The following SEL1L3 variants were observed in gnomAD, a reference collection of about 807,000 sequenced individuals.
SEL1L3 encodes the protein protein sel-1 homolog 3.
SEL1L3 carries 76 observed loss-of-function variants against 142.8 expected under a neutral mutation model. The ratio of observed to expected loss-of-function variants is 0.53; its 90% confidence interval spans 0.44 to 0.64. SEL1L3 has a LOEUF of 0.64. Ranked by LOEUF, SEL1L3 falls within the 30% of genes least tolerant of loss-of-function variation. The pLI is 0.00. For synonymous variants in SEL1L3, 504 were observed against 519.6 expected (o/e 0.97, Z 0.41); for missense variants, 1,262 against 1,381.7 (o/e 0.91, Z 1.37).
At chr4:25,817,879 C>T (rs1714497142) in intron 9 of SEL1L3, among the ~76,000 whole-genome samples, 1 of 152,144 alleles carries the variant, frequency 6.6e-6, no homozygotes, top group African/African-American at 2.4e-5. Flanking sequence ...TGCGGCCTAT[C>T]CATTTGCCGC....
intron 17 of SEL1L3, chr4:25,773,442 T>C (rs1399891209): frequency 6.6e-6 from 1 of 152,198 alleles, no homozygotes; most frequent in African/African-American, 2.4e-5. Context: ...ATGTATCATA[T>C]ATACTTCATA....
chr4:25,809,170 A>G (rs375084538), intron 9 of SEL1L3, among the ~76,000 whole-genome samples: 6 of 151,566 alleles, frequency 4.0e-5, no homozygotes, highest in East Asian at 3.9e-4. Context: ...TTGAGACAGA[A>G]TCTTGCTCTG....
chr4:25,823,103 C>T (rs760054871), intron 6 of SEL1L3, among the ~76,000 whole-genome samples: 1 of 152,154 alleles, frequency 6.6e-6, no homozygotes, highest in Non-Finnish European at 1.5e-5. Flanking sequence ...ATTATCTCCC[C>T]ATGGGGTGGT....
the SEL1L3 span, among the ~76,000 whole-genome samples, chr4:25,736,795 T>C: frequency 6.6e-6 from 1 of 152,116 alleles, no homozygotes; most frequent in Non-Finnish European, 1.5e-5. Context: ...TTCTATCAAG[T>C]TTTGCTTTAT....
intron 9 of SEL1L3, among the ~76,000 whole-genome samples, chr4:25,809,205 A>G (rs1198726970): frequency 6.6e-6 from 1 of 151,402 alleles, no homozygotes; most frequent in Non-Finnish European, 1.5e-5. Context: ...GTGCAGTGGC[A>G]TGATCTTGGC....
At chr4:25,721,120 C>T in the SEL1L3 span, 2 of 152,060 alleles carry the variant, frequency 1.3e-5, no homozygotes, top group East Asian at 1.9e-4. Context: ...TTTTGAATCA[C>T]TTTGACTCTC....
At chr4:25,781,399 T>G (rs1412113315) in intron 15 of SEL1L3, among the ~76,000 whole-genome samples, 1 of 151,600 alleles carries the variant, frequency 6.6e-6, no homozygotes, top group African/African-American at 2.4e-5. Context: ...GAACTTTGGG[T>G]GGTGGAGGTG....
downstream of SEL1L3, among the ~76,000 whole-genome samples, chr4:25,746,543 C>T (rs879632388): frequency 0.61 from 73,335 of 119,682 alleles, 22,445 homozygotes; most frequent in East Asian, 0.7. Flanking sequence ...TATATATATT[C>T]AAATGTATAT....
Position 25,784,216 on chromosome 4 carries a change from T to G in SEL1L3, c.2280+12A>C, listed in dbSNP as rs1280383766. ...GTGGAACTGTTTCCCTCTGACAATA[T>G]GCATGTGTTACCTTGGAAGCTGCTT... On this transcript the variant is annotated intron_variant, in intron 14 of 23. Transcript: ENST00000399878. 6.2e-7 allele frequency: 1 copy of G among 1,607,170 alleles called. No homozygotes were observed. The highest frequency in any genetic ancestry group is 1.7e-5 in the Admixed American group (1 of 60,012).
chr4:25,770,739 CAAAAAAA>C (rs57317400), intron 17 of SEL1L3, among the ~76,000 whole-genome samples: 1 of 97,386 alleles, frequency 1.0e-5, no homozygotes, highest in African/African-American at 3.7e-5. Flanking sequence ...GACTCTGTCT[CAAAAAAA>C]AAAAAAAAAA....
intron 9 of SEL1L3, among the ~76,000 whole-genome samples, chr4:25,809,181 T>C (rs1713845773): frequency 6.6e-6 from 1 of 151,776 alleles, no homozygotes; most frequent in Admixed American, 6.6e-5. Context: ...TCTTGCTCTG[T>C]CGCCCAGACT....
At chr4:25,781,289 G>A (rs1290334227) in intron 15 of SEL1L3, among the ~76,000 whole-genome samples, 1 of 152,144 alleles carries the variant, frequency 6.6e-6, no homozygotes, top group Non-Finnish European at 1.5e-5. Flanking sequence ...TATGTCCTCA[G>A]TGTTCAGAAG....
intron 1 of SEL1L3, 141 bp downstream of exon 1, chr4:25,862,534 A>C: frequency 2.5e-6 from 1 of 401,610 alleles, no homozygotes; most frequent in South Asian, 1.2e-4. Context: ...GGTGCCGGGA[A>C]CGCCCGGGGC....
At position 25,837,131 on chromosome 4, in the gene SEL1L3, C is replaced by T. The variant is rs575952173; in HGVS notation, c.734-1808G>A. On this transcript the variant is annotated intron_variant, in intron 2 of 23. Transcript: ENST00000399878. Reference sequence around the variant, plus strand: ...GCCCACTGGACTTGCTGGTCTATGACGGGGGTGGTGAGAGGGGTGAGAAAT... The same window carrying T: ...GCCCACTGGACTTGCTGGTCTATGATGGGGGTGGTGAGAGGGGTGAGAAAT... 1.1e-4 allele frequency among the ~76,000 whole-genome samples: 16 copies of T among 151,510 alleles called. No individual in the cohort carries two copies. In the East Asian group the frequency reaches 2.1e-3, roughly 20 times the overall value.
At chr4:25,839,913 G>A (rs551663973) in intron 2 of SEL1L3, among the ~76,000 whole-genome samples, 3 of 152,090 alleles carry the variant, frequency 2.0e-5, no homozygotes, top group African/African-American at 4.8e-5. Context: ...TGCCCAATCC[G>A]CTTCAAAGAC....
At chr4:25,737,399 G>C in the SEL1L3 span, among the ~76,000 whole-genome samples, 1 of 152,164 alleles carries the variant, frequency 6.6e-6, no homozygotes, top group African/African-American at 2.4e-5. Flanking sequence ...TTTGTTTCTA[G>C]GTGGCTGCCA....
intron 11 of SEL1L3, among the ~76,000 whole-genome samples, chr4:25,791,091 G>A (rs1267674280): frequency 6.6e-6 from 1 of 152,158 alleles, no homozygotes; most frequent in Non-Finnish European, 1.5e-5. Flanking sequence ...AGTCCACTTC[G>A]TGCAACTGAT....
chr4:25,737,722 T>C, the SEL1L3 span, among the ~76,000 whole-genome samples: 2 of 152,202 alleles, frequency 1.3e-5, no homozygotes, highest in Non-Finnish European at 2.9e-5. Flanking sequence ...TGATATAAAA[T>C]GACATAGTAT....
At chr4:25,827,334 CAAT>C (rs1298059133) in intron 6 of SEL1L3, among the ~76,000 whole-genome samples, 1 of 152,054 alleles carries the variant, frequency 6.6e-6, no homozygotes, top group African/African-American at 2.4e-5. Context: ...GCCCCTAACC[CAAT>C]ATGACTGACA....
Sources: allele counts gnomAD v4.1 joint callset (sites outside exome capture counted in the v4.1 genomes callset), GRCh38; gene constraint gnomAD v4.1.1; transcripts MANE v1.5; gene names NCBI Gene and HGNC (gene_info 2026-07-23, HGNC 2026-07-21).